Variants in ACTR3C observed in about 807,000 individuals in gnomAD.
ACTR3C encodes actin-related protein 3C.
In ACTR3C, 18 loss-of-function variants were observed where a neutral mutation model predicts 26.3. That is an observed-to-expected ratio of 0.68 (90% CI 0.47 to 1.01). The LOEUF (loss-of-function observed/expected upper bound fraction) is 1.01. Among genes scored for constraint, ACTR3C ranks in the 50% least tolerant of loss-of-function variants. The pLI is 0.00. For synonymous variants in ACTR3C, 55 were observed against 94.5 expected (o/e 0.58, Z 2.42); for missense variants, 184 against 250.7 (o/e 0.73, Z 1.80).
chr7:150,203,608 C>T, the ACTR3C span, among the ~76,000 whole-genome samples: 5 of 152,082 alleles, frequency 3.3e-5, no homozygotes, highest in Non-Finnish European at 7.3e-5. Flanking sequence ...TCTTCTTGCC[C>T]AGGCTGGAGT....
chr7:149,883,019 CACAT>C, the ACTR3C span, among the ~76,000 whole-genome samples: 1 of 152,202 alleles, frequency 6.6e-6, no homozygotes, highest in African/African-American at 2.4e-5. Context: ...CTCCTGGACA[CACAT>C]GCATGTACAT....
the ACTR3C span, among the ~76,000 whole-genome samples, chr7:149,996,041 G>A: frequency 1.3e-5 from 2 of 151,982 alleles, no homozygotes; most frequent in Non-Finnish European, 2.9e-5. Context: ...AAATCTCCTG[G>A]ATGGATGCGT....
chr7:150,294,742 C>T (rs1446298008), intron 2 of ACTR3C, among the ~76,000 whole-genome samples: 1 of 151,868 alleles, frequency 6.6e-6, no homozygotes, highest in Non-Finnish European at 1.5e-5. Context: ...CCCAAAATTT[C>T]AGTCAATTCC....
chr7:150,179,574 T>C, the ACTR3C span, among the ~76,000 whole-genome samples: 80,518 of 142,200 alleles, frequency 0.57, 23,370 homozygotes, highest in East Asian at 0.72. Context: ...CAGCCTTAAC[T>C]TCCTGGACTC....
chr7:149,925,690 CT>C, the ACTR3C span, among the ~76,000 whole-genome samples: 1 of 152,054 alleles, frequency 6.6e-6, no homozygotes, highest in Non-Finnish European at 1.5e-5. Context: ...TGGGTCCATT[CT>C]TCATACCTTA....
chr7:150,219,955 G>A, the ACTR3C span, among the ~76,000 whole-genome samples: 1 of 146,276 alleles, frequency 6.8e-6, no homozygotes, highest in Non-Finnish European at 1.5e-5. Context: ...GCACCTGCCA[G>A]CCCAGCCGCA....
the ACTR3C span, among the ~76,000 whole-genome samples, chr7:150,019,596 T>TAAAAAA: frequency 1.1e-3 from 53 of 49,180 alleles, 1 homozygote; most frequent in African/African-American, 3.3e-3. Flanking sequence ...GTCTCAAAAA[T>TAAAAAA]AAAAATAATA....
At chr7:149,996,224 G>A in the ACTR3C span, among the ~76,000 whole-genome samples, 1 of 152,202 alleles carries the variant, frequency 6.6e-6, no homozygotes, top group South Asian at 2.1e-4. Flanking sequence ...GGAAAGGGAC[G>A]GAGTAAAGGA....
At chr7:149,964,420 G>T in the ACTR3C span, among the ~76,000 whole-genome samples, 1 of 152,224 alleles carries the variant, frequency 6.6e-6, no homozygotes, top group East Asian at 1.9e-4. Flanking sequence ...GTCATGGGAA[G>T]TGAGGAGGAA....
At chr7:150,082,952 T>TTC in the ACTR3C span, among the ~76,000 whole-genome samples, 1 of 141,230 alleles carries the variant, frequency 7.1e-6, no homozygotes, top group South Asian at 2.3e-4. Flanking sequence ...TTTTTCTTTT[T>TTC]TTTTTTTTTT....
At chr7:149,967,487 A>G in the ACTR3C span, among the ~76,000 whole-genome samples, 1 of 152,128 alleles carries the variant, frequency 6.6e-6, no homozygotes, top group Non-Finnish European at 1.5e-5. Context: ...CTATGTTTTC[A>G]AAAGGTTAAG....
the ACTR3C span, among the ~76,000 whole-genome samples, chr7:150,195,278 A>G: frequency 2.0e-5 from 3 of 151,788 alleles, no homozygotes; most frequent in Non-Finnish European, 4.4e-5. Flanking sequence ...TTTGCTTTAA[A>G]AAATCAGTTA....
At chr7:150,042,052 T>TC in the ACTR3C span, among the ~76,000 whole-genome samples, 4 of 90,796 alleles carry the variant, frequency 4.4e-5, no homozygotes, top group Non-Finnish European at 9.3e-5. Flanking sequence ...TGGGGGGTCC[T>TC]AAGCCAGGGG....
chr7:150,084,644 G>C, the ACTR3C span, among the ~76,000 whole-genome samples: 1 of 152,172 alleles, frequency 6.6e-6, no homozygotes, highest in South Asian at 2.1e-4. Flanking sequence ...GATATGGCCA[G>C]AGCATGGAGT....
chr7:150,308,379 C>T (rs559215843), intron 1 of ACTR3C, among the ~76,000 whole-genome samples: 8 of 152,104 alleles, frequency 5.3e-5, no homozygotes, highest in African/African-American at 1.4e-4. Flanking sequence ...AATACAAGCT[C>T]GACAATGGTT....
the ACTR3C span, among the ~76,000 whole-genome samples, chr7:150,164,198 C>T: frequency 0.16 from 23,966 of 151,146 alleles, 1,276 homozygotes; most frequent in Admixed American, 0.25. Flanking sequence ...CTCTCACAGA[C>T]GTGGAACCCA....
chr7:150,203,007 C>G, the ACTR3C span, among the ~76,000 whole-genome samples: 1 of 152,242 alleles, frequency 6.6e-6, no homozygotes, highest in African/African-American at 2.4e-5. Flanking sequence ...AAGGCTTCTA[C>G]TGATTTGTCA....
At chr7:150,084,728 G>C in the ACTR3C span, among the ~76,000 whole-genome samples, 1 of 152,284 alleles carries the variant, frequency 6.6e-6, no homozygotes, top group East Asian at 1.9e-4. Context: ...AAGGAGCTTT[G>C]GTCTCAGATG....
the ACTR3C span, among the ~76,000 whole-genome samples, chr7:150,045,709 A>G: frequency 6.6e-6 from 1 of 152,212 alleles, no homozygotes; most frequent in Non-Finnish European, 1.5e-5. Context: ...CACATGTCAC[A>G]ATAAAAAGAA....
Sources: allele counts gnomAD v4.1 joint callset (sites outside exome capture counted in the v4.1 genomes callset), GRCh38; gene constraint gnomAD v4.1.1; transcripts MANE v1.5; gene names NCBI Gene and HGNC (gene_info 2026-07-23, HGNC 2026-07-21).